Variants in GLCE observed in about 807,000 individuals in gnomAD.
GLCE encodes the protein D-glucuronyl C5-epimerase.
In GLCE, 19 loss-of-function variants were observed where a neutral mutation model predicts 47.9. The observed-to-expected ratio is 0.40, with a 90% CI of 0.28 to 0.58. The LOEUF is 0.58. GLCE is among the 20% of genes least tolerant of loss of function. The pLI is 0.48. For synonymous variants in GLCE, 245 were observed against 263.4 expected, an observed-to-expected ratio of 0.93 and a Z score of 0.68; for missense variants, 556 against 743.3, an observed-to-expected ratio of 0.75 and a Z score of 2.93.
chr15:69,239,824 A>T (rs1264823988), intron 2 of GLCE, among the ~76,000 whole-genome samples: 1 of 152,134 alleles, frequency 6.6e-6, no homozygotes, highest in African/African-American at 2.4e-5. Flanking sequence ...TGCCCTTCCC[A>T]TACAAACTGT....
intron 1 of GLCE, among the ~76,000 whole-genome samples, chr15:69,170,824 C>G (rs964582371): frequency 2.0e-5 from 3 of 152,160 alleles, no homozygotes; most frequent in Admixed American, 1.3e-4. Context: ...AGTTCTTTGA[C>G]AATAGCACTT....
At chr15:69,256,486 C>G in intron 3 of GLCE, 94 bp downstream of exon 3, 1 of 864,090 alleles carries the variant, frequency 1.2e-6, no homozygotes, top group Non-Finnish European at 1.8e-6. Flanking sequence ...ACATAGCTTA[C>G]TGTCAAAAGA....
intron 1 of GLCE, among the ~76,000 whole-genome samples, chr15:69,179,896 A>C (rs2051727021): frequency 6.6e-6 from 1 of 152,198 alleles, no homozygotes; most frequent in Non-Finnish European, 1.5e-5. Context: ...CTGAGGCACA[A>C]GAATTGCTTG....
chr15:69,185,622 C>T (rs367636371), intron 1 of GLCE, among the ~76,000 whole-genome samples: 1 of 151,834 alleles, frequency 6.6e-6, no homozygotes, highest in Non-Finnish European at 1.5e-5. Context: ...GTTAGTGTAG[C>T]GAAAACTCTC....
intron 2 of GLCE, among the ~76,000 whole-genome samples, chr15:69,220,980 T>G (rs11632598): frequency 0.73 from 111,263 of 152,102 alleles, 41,032 homozygotes; most frequent in Admixed American, 0.79. Context: ...TGCATATGGA[T>G]ATCCAGTTTT....
At chr15:69,168,027 A>G (rs935556895) in intron 1 of GLCE, among the ~76,000 whole-genome samples, 3 of 152,106 alleles carry the variant, frequency 2.0e-5, no homozygotes, top group Non-Finnish European at 2.9e-5. Context: ...TAAAATGACA[A>G]TATCTCTTCC....
chr15:69,268,489 A>G lies in GLCE; in HGVS notation c.1099A>G (p.Thr367Ala), dbSNP rs2053117672. The change falls in exon 5 of 5, where the codon ACA becomes GCA. Residue 367 changes from threonine to alanine, a missense_variant. Transcript: ENST00000261858. The part of the protein sequence containing the change: ...DLRKGVGLSN[T>A]KAVKPTKIMP... ...CAGGAAAGGAGTGGGTCTTTCAAAC[A>G]CAAAAGCTGTCAAGCCAACCAAAAT... is the stretch of plus-strand genomic sequence containing the variant. 1 of 1,614,196 alleles carries G rather than the reference A, an allele frequency of 6.2e-7. No homozygotes were observed. Among genetic ancestry groups the G allele is most frequent in the Non-Finnish European group, 8.5e-7 (1 of 1,180,034 alleles).
chr15:69,231,563 G>A (rs2052522082), intron 2 of GLCE, among the ~76,000 whole-genome samples: 2 of 151,166 alleles, frequency 1.3e-5, no homozygotes, highest in South Asian at 2.1e-4. Context: ...GATTACAGGC[G>A]TGAGCCACCC....
At chr15:69,235,965 C>A (rs2052590007) in intron 2 of GLCE, among the ~76,000 whole-genome samples, 1 of 152,200 alleles carries the variant, frequency 6.6e-6, no homozygotes, top group African/African-American at 2.4e-5. Flanking sequence ...CCCTTCCTGC[C>A]ACTGCTGATT....
chr15:69,268,607 T>C lies in GLCE; in HGVS notation c.1217T>C (p.Phe406Ser). The C allele has an allele frequency of 6.2e-7, 1 of 1,614,218 alleles. No homozygotes were observed. Among genetic ancestry groups the C allele is most frequent in the Non-Finnish European group, 8.5e-7 (1 of 1,180,040 alleles). The change falls in exon 5 of 5, where the codon TTT becomes TCT. Residue 406 changes from phenylalanine to serine, a missense_variant. Around this residue, in one of 3 missense-constraint regions of GLCE, gnomAD observed 245 missense variants for 368.1 expected, o/e 0.67. Coordinates refer to ENST00000261858, the MANE Select transcript of GLCE (RefSeq NM_015554.3). Reference protein sequence around the residue: ...ISTTAHMAAFFAASDWLVRNQ... With the variant: ...ISTTAHMAAFSAASDWLVRNQ... ...ACCACAGCCCACATGGCTGCATTTT[T>C]TGCTGCTAGTGATTGGCTAGTAAGG...
chr15:69,237,307 A>G (rs1595774036), intron 2 of GLCE, among the ~76,000 whole-genome samples: 1 of 152,102 alleles, frequency 6.6e-6, no homozygotes, highest in Non-Finnish European at 1.5e-5. Context: ...TTAAAAACCA[A>G]TTTGGGGCTG....
intron 2 of GLCE, among the ~76,000 whole-genome samples, chr15:69,246,469 G>A (rs538837184): frequency 6.8e-4 from 103 of 152,246 alleles, no homozygotes; most frequent in African/African-American, 2.0e-3. Flanking sequence ...TGTAATCCCA[G>A]CACTTTGGGA....
intron 2 of GLCE, among the ~76,000 whole-genome samples, chr15:69,253,474 C>T (rs1566969780): frequency 6.6e-6 from 1 of 152,124 alleles, no homozygotes; most frequent in South Asian, 2.1e-4. Flanking sequence ...AGTCATTCTC[C>T]CTTAAATGTG....
At chr15:69,165,628 C>G (rs1023538638) in intron 1 of GLCE, among the ~76,000 whole-genome samples, 1 of 150,120 alleles carries the variant, frequency 6.7e-6, no homozygotes, top group Admixed American at 6.7e-5. Flanking sequence ...GTTATATACT[C>G]ACTGTATCAT....
chr15:69,267,648 G>A (rs2053104456), intron 4 of GLCE, among the ~76,000 whole-genome samples: 1 of 152,162 alleles, frequency 6.6e-6, no homozygotes, highest in Admixed American at 6.5e-5. Flanking sequence ...ACTTCTTTGT[G>A]TCTCAGTTCC....
At chr15:69,194,893 G>T (rs1007416631) in intron 1 of GLCE, among the ~76,000 whole-genome samples, 4 of 152,094 alleles carry the variant, frequency 2.6e-5, no homozygotes, top group African/African-American at 7.2e-5. Context: ...CCAGAAGGAA[G>T]ATTCTTATAT....
At position 69,193,786 on chromosome 15, in the gene GLCE, A is replaced by G. The variant is rs1468962184; in HGVS notation, c.-104-16530A>G. Among the ~76,000 whole-genome samples, 6 of 152,176 alleles carry G rather than the reference A, an allele frequency of 3.9e-5. No individual in the cohort carries two copies. In the South Asian group the frequency reaches 1.0e-3, roughly 26 times the overall value. On this transcript the variant is annotated intron_variant, in intron 1 of 4. Coordinates refer to ENST00000261858, the MANE Select transcript of GLCE (RefSeq NM_015554.3). ...CTAGATGCCTTGTTTGCTTCAGTCTAGTACACGCTTTGCACTGGATATTCC... is the reference window on the plus strand; with the variant it reads ...CTAGATGCCTTGTTTGCTTCAGTCTGGTACACGCTTTGCACTGGATATTCC...
At chr15:69,183,060 T>C (rs1210815632) in intron 1 of GLCE, among the ~76,000 whole-genome samples, 1 of 151,418 alleles carries the variant, frequency 6.6e-6, no homozygotes, top group Non-Finnish European at 1.5e-5. Flanking sequence ...ATTGAGAAGG[T>C]TTAAGGTTTG....
chr15:69,229,193 A>G (rs184636253), intron 2 of GLCE, among the ~76,000 whole-genome samples: 1 of 152,386 alleles, frequency 6.6e-6, no homozygotes, highest in African/African-American at 2.4e-5. Context: ...CACTGGAAAG[A>G]CATAATAATT....
Sources: allele counts gnomAD v4.1 joint callset (sites outside exome capture counted in the v4.1 genomes callset), GRCh38; gene constraint gnomAD v4.1.1; regional missense constraint gnomAD v4.1.1; transcripts MANE v1.5; gene names NCBI Gene and HGNC (gene_info 2026-07-23, HGNC 2026-07-21).